The following PCDH15 variants were observed in gnomAD, a reference collection of about 807,000 sequenced individuals.
PCDH15 encodes protocadherin related 15, also known as protocadherin-15.
PCDH15 carries 129 observed loss-of-function variants against 178.5 expected under a neutral mutation model. The observed-to-expected ratio is 0.72, with a 90% CI of 0.63 to 0.84. PCDH15 has a LOEUF of 0.84. PCDH15 is among the 40% of genes least tolerant of loss of function. The pLI is 0.00. For synonymous variants in PCDH15, 800 were observed against 732.0 expected, an observed-to-expected ratio of 1.09 and a Z score of -1.50; for missense variants, 2,230 against 2,099.9, an observed-to-expected ratio of 1.06 and a Z score of -1.21.
At chr10:55,486,446 T>G (rs1840300378) in intron 2 of PCDH15, among the ~76,000 whole-genome samples, 1 of 143,010 alleles carries the variant, frequency 7.0e-6, no homozygotes, top group African/African-American at 2.6e-5. Flanking sequence ...AGAGAAAATA[T>G]AATAATTTAT....
At chr10:54,680,704 G>C (rs1167424387) in intron 1 of PCDH15, among the ~76,000 whole-genome samples, 1 of 152,136 alleles carries the variant, frequency 6.6e-6, no homozygotes, top group Non-Finnish European at 1.5e-5. Flanking sequence ...ATAAATGGGA[G>C]TTCCCCTGCA....
intron 3 of PCDH15, among the ~76,000 whole-genome samples, chr10:54,848,625 T>C (rs960672975): frequency 2.6e-5 from 4 of 152,122 alleles, no homozygotes; most frequent in African/African-American, 9.7e-5. Context: ...AATGAATTTA[T>C]TTATTTATAA....
At position 55,517,270 on chromosome 10, in the gene PCDH15, C is replaced by A. The variant is rs546271981; in HGVS notation, c.-156+110355G>T. 5.4e-4 allele frequency among the ~76,000 whole-genome samples: 82 copies of A among 152,182 alleles called. 2 individuals carry two copies. In the South Asian group the frequency reaches 0.017, roughly 32 times the overall value. Reference sequence around the variant, plus strand: ...TGTTTGTTGTTGTTTGCTTCTTTTACTTCCAGAAAAACCAGGATGTAAATT... The same window carrying A: ...TGTTTGTTGTTGTTTGCTTCTTTTAATTCCAGAAAAACCAGGATGTAAATT... On this transcript the variant is annotated intron_variant, in intron 2 of 5. Transcript: ENST00000613346.
intron 2 of PCDH15, among the ~76,000 whole-genome samples, chr10:54,583,502 G>A (rs1486327139): frequency 6.6e-6 from 1 of 151,948 alleles, no homozygotes; most frequent in African/African-American, 2.4e-5. Flanking sequence ...AGAGAGATAT[G>A]CTAGTAAGGG....
At chr10:53,861,371 A>G (rs1260885514) in intron 27 of PCDH15, among the ~76,000 whole-genome samples, 3 of 152,160 alleles carry the variant, frequency 2.0e-5, no homozygotes, top group African/African-American at 7.2e-5. Flanking sequence ...TCAAATTACT[A>G]GGTATTGTTA....
At chr10:54,554,711 A>C (rs1390094127) in intron 2 of PCDH15, among the ~76,000 whole-genome samples, 2 of 152,180 alleles carry the variant, frequency 1.3e-5, no homozygotes, top group South Asian at 2.1e-4. Flanking sequence ...GACAGACAGG[A>C]CCTAAACCCT....
chr10:54,182,082 C>T (rs542359714), intron 13 of PCDH15, among the ~76,000 whole-genome samples: 11 of 152,170 alleles, frequency 7.2e-5, no homozygotes, highest in African/African-American at 2.6e-4. Flanking sequence ...CTCAGCCTCC[C>T]GAGTAGCTGG....
chr10:54,048,091 A>G lies in PCDH15; in HGVS notation c.2220+18666T>C, dbSNP rs199997464. ...ATCTGTTATCTTTTGACTTTTTAAT[A>G]ATAGTCATTTTGACTGGTGTGAGAT... On this transcript the variant is annotated intron_variant, in intron 18 of 37. Coordinates refer to ENST00000644397, the MANE Select transcript of PCDH15 (RefSeq NM_001384140.1). Among the ~76,000 whole-genome samples the G allele has an allele frequency of 1.4e-4, 21 of 152,242 alleles. No homozygotes were observed. In the East Asian group the frequency reaches 3.9e-3, roughly 28 times the overall value.
intron 2 of PCDH15, among the ~76,000 whole-genome samples, chr10:55,440,877 G>A (rs926113533): frequency 2.0e-5 from 3 of 152,116 alleles, no homozygotes; most frequent in African/African-American, 4.8e-5. Flanking sequence ...CCAGACAAGA[G>A]AGAATGAGGA....
chr10:54,501,240 A>T (rs912783080), intron 3 of PCDH15, among the ~76,000 whole-genome samples: 20 of 152,086 alleles, frequency 1.3e-4, no homozygotes, highest in African/African-American at 1.9e-4. Flanking sequence ...TAATAATAAA[A>T]AAAAAAAAGG....
rs138443643 is a variant in PCDH15, at chr10:53,825,103, C to G, written c.4367+2290G>C. On this transcript the variant is annotated intron_variant, in intron 32 of 37. Coordinates refer to ENST00000644397, the MANE Select transcript of PCDH15 (RefSeq NM_001384140.1). ...TGTTCTATTGTATCTATTTTTCTAA[C>G]GCTCTTCTATTAGAGTGATATTATT... 2.0e-6 allele frequency: 3 copies of G among 1,522,790 alleles called. No homozygotes were observed. In the South Asian group the frequency reaches 3.8e-5, roughly 19 times the overall value. 94.3% of individuals were successfully genotyped at this position (1,522,790 alleles called of 1,614,324 possible).
chr10:54,316,926 C>T (rs370852274), intron 8 of PCDH15, among the ~76,000 whole-genome samples: 16 of 152,204 alleles, frequency 1.1e-4, no homozygotes, highest in African/African-American at 2.6e-4. Context: ...CTCTGACTTA[C>T]GACTGCATGT....
intron 1 of PCDH15, among the ~76,000 whole-genome samples, chr10:55,210,044 G>A (rs1293996087): frequency 6.6e-6 from 1 of 151,494 alleles, no homozygotes; most frequent in African/African-American, 2.4e-5. Flanking sequence ...AGAAGAACCA[G>A]GAAAGCTATC....
At chr10:54,064,607 G>C (rs1459071757) in intron 18 of PCDH15, among the ~76,000 whole-genome samples, 1 of 152,146 alleles carries the variant, frequency 6.6e-6, no homozygotes, top group Non-Finnish European at 1.5e-5. Flanking sequence ...TCCCCTCTTG[G>C]CCTCCCTCCT....
At position 53,820,233 on chromosome 10, in the gene PCDH15, G is replaced by GAAGT; in HGVS notation, c.4368-7_4368-4dup. ...CCAGCTGCCAACAAAAACTCCAACT[G>GAAGT]AAGTTTTTCAGTGAAAGAAAGAAAA... is the stretch of plus-strand genomic sequence containing the variant. On this transcript the variant is annotated splice_polypyrimidine_tract_variant and splice_region_variant and intron_variant, in intron 32 of 37. Coordinates refer to ENST00000644397, the MANE Select transcript of PCDH15 (RefSeq NM_001384140.1). The GAAGT allele has an allele frequency of 7.5e-6, 3 of 397,638 alleles. No individual in the cohort carries two copies. Among genetic ancestry groups the GAAGT allele is most frequent in the Non-Finnish European group, 8.9e-6 (2 of 225,420 alleles). 24.6% of individuals were successfully genotyped at this position (397,638 alleles called of 1,614,324 possible). A position where few individuals can be genotyped will look rare whatever the true frequency, so the allele number is the denominator to read the frequency against.
chr10:55,341,167 C>T (rs1052604442), intron 2 of PCDH15, among the ~76,000 whole-genome samples: 3 of 152,048 alleles, frequency 2.0e-5, no homozygotes, highest in Non-Finnish European at 4.4e-5. Flanking sequence ...AGCTCTTACA[C>T]ATTATATTTA....
At chr10:54,589,488 T>C (rs1565678626) in intron 2 of PCDH15, among the ~76,000 whole-genome samples, 1 of 152,200 alleles carries the variant, frequency 6.6e-6, no homozygotes, top group Non-Finnish European at 1.5e-5. Context: ...GCCTATCACC[T>C]GTTGGCATAT....
intron 29 of PCDH15, among the ~76,000 whole-genome samples, chr10:53,831,847 G>T (rs193009560): frequency 1.7e-3 from 253 of 152,066 alleles, no homozygotes; most frequent in African/African-American, 5.9e-3. Flanking sequence ...CAACATTTTA[G>T]ATGGAATAAA....
chr10:54,765,536 G>A (rs1049388783), intron 1 of PCDH15, among the ~76,000 whole-genome samples: 1 of 152,002 alleles, frequency 6.6e-6, no homozygotes, highest in Non-Finnish European at 1.5e-5. Flanking sequence ...AATTTTGTTT[G>A]GACATAGTAA....
Sources: gnomAD v4.1 joint callset for allele counts (sites outside exome capture counted in the v4.1 genomes callset) on GRCh38, gnomAD v4.1.1 for gene constraint, MANE v1.5 for transcripts, NCBI Gene and HGNC (gene_info 2026-07-23, HGNC 2026-07-21) for gene names.